Variants in ARID5B observed in about 807,000 individuals in gnomAD.
ARID5B encodes the protein AT-rich interaction domain 5B.
In ARID5B, 13 loss-of-function variants were observed where a neutral mutation model predicts 97.2. The observed-to-expected ratio is 0.13, with a 90% CI of 0.09 to 0.21. The LOEUF (loss-of-function observed/expected upper bound fraction) is 0.21. Ranked by LOEUF, ARID5B falls within the 10% of genes least tolerant of loss-of-function variation. The pLI is 1.00. For missense variants in ARID5B, 1,210 were observed against 1,465.3 expected, an observed-to-expected ratio of 0.83 and a Z score of 2.84; for synonymous variants, 556 against 570.3, an observed-to-expected ratio of 0.97 and a Z score of 0.36.
intron 2 of ARID5B, among the ~76,000 whole-genome samples, chr10:61,935,560 T>A (rs186626400): frequency 3.9e-4 from 59 of 151,884 alleles, no homozygotes; most frequent in African/African-American, 1.4e-3. Context: ...CAGGAGCTGG[T>A]GGGGAGTGGA....
intron 2 of ARID5B, among the ~76,000 whole-genome samples, chr10:61,932,417 T>C (rs1002166347): frequency 4.0e-5 from 6 of 150,206 alleles, no homozygotes; most frequent in African/African-American, 1.2e-4. Flanking sequence ...CTTTTTCTTT[T>C]TTTTTTTTTT....
At chr10:61,989,902 G>A (rs895283055) in intron 3 of ARID5B, among the ~76,000 whole-genome samples, 2 of 152,198 alleles carry the variant, frequency 1.3e-5, no homozygotes, top group African/African-American at 4.8e-5. Context: ...CCAATACTTT[G>A]ATTTGACTCT....
At chr10:61,912,519 A>G (rs1191240212) in intron 2 of ARID5B, among the ~76,000 whole-genome samples, 3 of 152,110 alleles carry the variant, frequency 2.0e-5, no homozygotes, top group Non-Finnish European at 4.4e-5. Flanking sequence ...AAATCATCAC[A>G]TTGTATACCT....
chr10:62,024,790 C>T (rs962394718), intron 4 of ARID5B: 7 of 387,948 alleles, frequency 1.8e-5, no homozygotes, highest in East Asian at 1.1e-4. Flanking sequence ...CCACTAGAGA[C>T]GAATGATCAT....
chr10:62,050,379 C>G (rs1004589834), intron 4 of ARID5B, among the ~76,000 whole-genome samples: 2 of 152,222 alleles, frequency 1.3e-5, no homozygotes, highest in Non-Finnish European at 2.9e-5. Context: ...CTCTCTATAG[C>G]TATCTCTCTA....
chr10:61,986,293 T>A (rs1348788393), intron 3 of ARID5B, among the ~76,000 whole-genome samples: 1 of 152,194 alleles, frequency 6.6e-6, no homozygotes, highest in Admixed American at 6.5e-5. Context: ...TAAGAGAGAT[T>A]CTAGGAGGAT....
intron 2 of ARID5B, among the ~76,000 whole-genome samples, chr10:61,938,964 A>AGT (rs60329829): frequency 0.14 from 17,132 of 125,006 alleles, 1,145 homozygotes; most frequent in Middle Eastern, 0.2. Flanking sequence ...GAATTGGAGA[A>AGT]GTGTGTGTGT....
At chr10:61,991,218 G>A (rs1367250773) in intron 3 of ARID5B, among the ~76,000 whole-genome samples, 1 of 152,094 alleles carries the variant, frequency 6.6e-6, no homozygotes, top group Non-Finnish European at 1.5e-5. Flanking sequence ...TATATACCTA[G>A]GAGTGGAATT....
intron 3 of ARID5B, among the ~76,000 whole-genome samples, chr10:61,948,133 C>A: frequency 6.6e-6 from 1 of 152,118 alleles, no homozygotes; most frequent in East Asian, 1.9e-4. Flanking sequence ...TTTTTAGTAT[C>A]CAGGCTACCA....
rs1589291500 is a variant in ARID5B, at chr10:62,085,875, C to T, written c.1373C>T (p.Ala458Val). The T allele has an allele frequency of 6.2e-7, 1 of 1,613,350 alleles. No homozygotes were observed. The highest frequency in any genetic ancestry group is 2.2e-5 in the East Asian group (1 of 44,888). Reference sequence around the variant, plus strand: ...AAAAGCAAGAAAGAAAAAGAAAATGCCCCAAAGCCCCAGGATGCAGCAGAG... The same window carrying T: ...AAAAGCAAGAAAGAAAAAGAAAATGTCCCAAAGCCCCAGGATGCAGCAGAG... Reference protein sequence around the residue: ...IPKSKKEKENAPKPQDAAEVS... With the variant: ...IPKSKKEKENVPKPQDAAEVS... The change falls in exon 9 of 10, where the codon GCC becomes GTC. Residue 458 changes from alanine to valine, a missense_variant. Transcript: ENST00000279873.
chr10:62,006,128 G>A (rs1839143093), intron 4 of ARID5B, among the ~76,000 whole-genome samples: 1 of 152,146 alleles, frequency 6.6e-6, no homozygotes, highest in South Asian at 2.1e-4. Flanking sequence ...TTTTCTAGAG[G>A]TTTTGTTTAT....
intron 3 of ARID5B, among the ~76,000 whole-genome samples, chr10:61,969,056 T>A (rs763281004): frequency 5.9e-5 from 9 of 152,222 alleles, no homozygotes; most frequent in Admixed American, 1.3e-4. Flanking sequence ...TGATTTCTAA[T>A]CTTGCCACAA....
intron 3 of ARID5B, among the ~76,000 whole-genome samples, chr10:61,969,006 C>T (rs941197507): frequency 9.9e-5 from 15 of 152,180 alleles, no homozygotes; most frequent in African/African-American, 3.6e-4. Context: ...CTTCCATCCA[C>T]ATGAAAAGAC....
rs910493684 is a variant in ARID5B at position 62,050,762 on chromosome 10, G to A, written c.734-126G>A. On this transcript the variant is annotated intron_variant, in intron 4 of 9. Transcript: ENST00000279873. ...AGAGAAGCATGTAATAATGAGGGCT[G>A]CCTGCCACAGATCTGTACATTTCTC... 3 of 757,758 alleles carry A rather than the reference G, an allele frequency of 4.0e-6. No homozygotes were observed. In the Admixed American group the frequency reaches 8.0e-5, roughly 20 times the overall value. The allele number at this position is 757,758 out of a possible 1,614,324, so 46.9% of individuals were successfully genotyped here. A position where few individuals can be genotyped will look rare whatever the true frequency, so the allele number is the denominator to read the frequency against.
chr10:61,916,642 G>GA, intron 2 of ARID5B, among the ~76,000 whole-genome samples: 1 of 152,252 alleles, frequency 6.6e-6, no homozygotes, highest in South Asian at 2.1e-4. Context: ...GAATGACAGA[G>GA]ACTGAATGGG....
At chr10:61,975,754 T>C (rs575194632) in intron 3 of ARID5B, among the ~76,000 whole-genome samples, 1 of 152,072 alleles carries the variant, frequency 6.6e-6, no homozygotes, top group South Asian at 2.1e-4. Context: ...TCTATTAATA[T>C]TGAGAATAGC....
chr10:62,039,258 C>T, intron 4 of ARID5B, among the ~76,000 whole-genome samples: 1 of 152,198 alleles, frequency 6.6e-6, no homozygotes, highest in African/African-American at 2.4e-5. Flanking sequence ...ACCGCCCAAT[C>T]ATTTCATCAA....
At chr10:61,989,004 A>T (rs1000028938) in intron 3 of ARID5B, among the ~76,000 whole-genome samples, 4 of 134,010 alleles carry the variant, frequency 3.0e-5, no homozygotes, top group Non-Finnish European at 6.1e-5. Context: ...ATCTCGGCTC[A>T]CCGCAACCTC....
At chr10:61,960,257 G>A (rs1449613834) in intron 3 of ARID5B, among the ~76,000 whole-genome samples, 1 of 152,186 alleles carries the variant, frequency 6.6e-6, no homozygotes, top group African/African-American at 2.4e-5. Context: ...ACTACGTACA[G>A]TAATGTCTTC....
Sources: allele counts gnomAD v4.1 joint callset (sites outside exome capture counted in the v4.1 genomes callset), GRCh38; gene constraint gnomAD v4.1.1; transcripts MANE v1.5; gene names NCBI Gene and HGNC (gene_info 2026-07-23, HGNC 2026-07-21).